LPAR1: variants seen among roughly 807,000 people sequenced by gnomAD.
The protein encoded by LPAR1 is lysophosphatidic acid receptor 1.
LPAR1 carries 5 observed loss-of-function variants against 23.8 expected under a neutral mutation model. That is an observed-to-expected ratio of 0.21 (90% confidence interval 0.11 to 0.44). The LOEUF (loss-of-function observed/expected upper bound fraction) is 0.44, where lower values mean the gene tolerates loss of function less well. LPAR1 is among the 20% of genes least tolerant of loss of function. The probability of loss-of-function intolerance (pLI) is 0.99; values close to 1 mark genes in which losing one functional copy is unlikely to be tolerated. For synonymous variants in LPAR1, 160 were observed against 164.7 expected (o/e 0.97, Z 0.22); for missense variants, 311 against 482.8 (o/e 0.64, Z 3.33).
intron 1 of LPAR1, among the ~76,000 whole-genome samples, chr9:111,037,111 T>C (rs962587720): frequency 8.5e-5 from 13 of 152,208 alleles, no homozygotes; most frequent in African/African-American, 2.4e-4. Context: ...GACCTCTGGC[T>C]TACCAATTAT....
rs1242976307 is a variant in LPAR1 at position 110,938,682 on chromosome 9, C to G, written c.793+2739G>C. ...CAGCCTGGGCAACATGACAAAACCC[C>G]ATCTCTACAAAAAAAAAAGAAAAAA... On this transcript the variant is annotated intron_variant, in intron 5 of 5. Transcript: ENST00000683809. 6.7e-5 allele frequency among the ~76,000 whole-genome samples: 10 copies of G among 148,554 alleles called. No individual in the cohort carries two copies. The East Asian group carries it at 2.0e-3, about 30-fold the overall frequency.
intron 5 of LPAR1, among the ~76,000 whole-genome samples, chr9:110,917,482 G>C (rs2093271588): frequency 6.6e-6 from 1 of 152,146 alleles, no homozygotes; most frequent in South Asian, 2.1e-4. Flanking sequence ...CCACATGACT[G>C]GGCTATATCT....
chr9:111,030,221 C>T (rs1226121146), intron 2 of LPAR1, among the ~76,000 whole-genome samples: 5 of 152,174 alleles, frequency 3.3e-5, no homozygotes, highest in South Asian at 2.1e-4. Context: ...TGAACCTTTA[C>T]TTTTCTGTGC....
chr9:110,992,710 G>A lies in LPAR1; in HGVS notation c.-181-19152C>T, dbSNP rs368002467. 3.2e-4 allele frequency among the ~76,000 whole-genome samples: 48 copies of A among 152,070 alleles called. 1 individual carries two copies. In the South Asian group the frequency reaches 7.7e-3, roughly 24 times the overall value. On this transcript the variant is annotated intron_variant, in intron 2 of 5. Coordinates refer to ENST00000683809, the MANE Select transcript of LPAR1 (RefSeq NM_001351411.2). ...CTATCTATCACTCTCAAAATAAGCC[G>A]AGTAAAATAAACCAGACAAAACACA...
intron 2 of LPAR1, among the ~76,000 whole-genome samples, chr9:111,029,017 C>A (rs2141440271): frequency 6.6e-6 from 1 of 152,264 alleles, no homozygotes; most frequent in African/African-American, 2.4e-5. Flanking sequence ...CCAGGACCAC[C>A]TATCAAGAGA....
intron 4 of LPAR1, among the ~76,000 whole-genome samples, chr9:110,957,188 T>A (rs529592957): frequency 6.7e-6 from 1 of 148,900 alleles, no homozygotes. Context: ...GGCAACAAAG[T>A]GAGATGCCAT....
chr9:110,993,937 C>T (rs965013758), intron 2 of LPAR1, among the ~76,000 whole-genome samples: 1 of 152,002 alleles, frequency 6.6e-6, no homozygotes, highest in East Asian at 1.9e-4. Flanking sequence ...AAAAGGAATC[C>T]GTAAGTTCAT....
intron 2 of LPAR1, among the ~76,000 whole-genome samples, chr9:110,999,216 A>G (rs1407140791): frequency 1.3e-5 from 2 of 152,232 alleles, no homozygotes. Flanking sequence ...CAAAAACTCA[A>G]AATAGCTCTG....
chr9:110,909,809 G>C (rs1302085551), intron 5 of LPAR1, among the ~76,000 whole-genome samples: 2 of 149,172 alleles, frequency 1.3e-5, no homozygotes, highest in Non-Finnish European at 3.0e-5. Flanking sequence ...GCAGTGGTGT[G>C]ATCTCGGCTC....
At chr9:110,886,547 T>TACACATA (rs2082477382) in intron 5 of LPAR1, among the ~76,000 whole-genome samples, 1 of 152,032 alleles carries the variant, frequency 6.6e-6, no homozygotes, top group Non-Finnish European at 1.5e-5. Flanking sequence ...TATGTATGCA[T>TACACATA]ACACATATAA....
chr9:110,966,769 T>G (rs367645149), intron 4 of LPAR1, among the ~76,000 whole-genome samples: 15 of 152,258 alleles, frequency 9.9e-5, no homozygotes, highest in African/African-American at 3.6e-4. Flanking sequence ...CCTGAATATC[T>G]TTTAGGTTTT....
At chr9:110,947,624 C>A (rs755701618) in intron 4 of LPAR1, among the ~76,000 whole-genome samples, 2 of 152,186 alleles carry the variant, frequency 1.3e-5, no homozygotes, top group African/African-American at 2.4e-5. Flanking sequence ...CATTCTTGAA[C>A]GTTTATAGGA....
intron 2 of LPAR1, among the ~76,000 whole-genome samples, chr9:110,981,777 A>G (rs2096672363): frequency 1.3e-5 from 2 of 152,162 alleles, no homozygotes; most frequent in Admixed American, 1.3e-4. Context: ...AAACAAATTT[A>G]CAAGAAGAAA....
chr9:110,962,694 C>T (rs2096047798), intron 4 of LPAR1, among the ~76,000 whole-genome samples: 1 of 152,152 alleles, frequency 6.6e-6, no homozygotes, highest in Non-Finnish European at 1.5e-5. Flanking sequence ...AAAGTATCAA[C>T]CCACTTTTGC....
intron 5 of LPAR1, among the ~76,000 whole-genome samples, chr9:110,905,009 A>ATTT (rs1269149732): frequency 3.3e-5 from 5 of 152,200 alleles, no homozygotes; most frequent in African/African-American, 9.7e-5. Flanking sequence ...GACCATTTCC[A>ATTT]CTTAGAGGAA....
In LPAR1 at chr9:110,875,715, A is replaced by G. The variant is rs748360332; in HGVS notation, c.801T>C (p.Phe267=). The change falls in exon 6 of 6, where the codon TTT becomes TTC. Residue 267 remains phenylalanine (F), a synonymous_variant. Transcript: ENST00000683809. ...CCAATCCAGGAGTCCAGCAGATGAT[A>G]AAGGCCCCTACAAGGACAAGGATAG... ...LKTVVIVLGA[F]IICWTPGLVL... The G allele has an allele frequency of 7.5e-6, 12 of 1,591,792 alleles. No homozygotes were observed. The highest frequency in any genetic ancestry group is 1.0e-5 in the Non-Finnish European group (12 of 1,165,736).
intron 2 of LPAR1, among the ~76,000 whole-genome samples, chr9:111,017,109 G>T (rs2097464435): frequency 6.6e-6 from 1 of 152,056 alleles, no homozygotes; most frequent in Non-Finnish European, 1.5e-5. Context: ...ACAGCTCATT[G>T]AGTCCCCTCT....
intron 2 of LPAR1, among the ~76,000 whole-genome samples, chr9:110,992,306 C>G (rs2096912266): frequency 6.6e-6 from 1 of 152,130 alleles, no homozygotes; most frequent in Non-Finnish European, 1.5e-5. Flanking sequence ...TGAAACACCA[C>G]TACATGACTA....
intron 5 of LPAR1, among the ~76,000 whole-genome samples, chr9:110,910,722 A>G (rs1298782365): frequency 6.6e-6 from 1 of 152,150 alleles, no homozygotes; most frequent in Non-Finnish European, 1.5e-5. Flanking sequence ...CATTAATAGG[A>G]GTTTATAAGA....
Sources: allele counts gnomAD v4.1 joint callset (sites outside exome capture counted in the v4.1 genomes callset), GRCh38; gene constraint gnomAD v4.1.1; transcripts MANE v1.5; gene names NCBI Gene and HGNC (gene_info 2026-07-23, HGNC 2026-07-21).